ADPRHL1: variants seen among roughly 807,000 people sequenced by gnomAD.
The protein encoded by ADPRHL1 is inactive ADP-ribosyltransferase ARH2.
In ADPRHL1, 43 loss-of-function variants were observed where a neutral mutation model predicts 44.1. The observed-to-expected ratio is 0.98, with a 90% CI of 0.76 to 1.26. The LOEUF (loss-of-function observed/expected upper bound fraction) is 1.26. Among genes scored for constraint, ADPRHL1 ranks in the 50% most tolerant of loss-of-function variants. ADPRHL1 has a pLI of 0.00. For missense variants in ADPRHL1, 2,022 were observed against 2,496.9 expected, an observed-to-expected ratio of 0.81 and a Z score of 4.05; for synonymous variants, 878 against 1,017.4, an observed-to-expected ratio of 0.86 and a Z score of 2.61.
At chr13:113,449,936 G>A (rs950939097) in intron 1 of ADPRHL1, among the ~76,000 whole-genome samples, 2 of 152,180 alleles carry the variant, frequency 1.3e-5, no homozygotes, top group African/African-American at 4.8e-5. Flanking sequence ...CTGGGCAAGC[G>A]CCTGAACCTC....
chr13:113,448,465 C>CAAAAAAAA lies in ADPRHL1; in HGVS notation c.215-3884_215-3877dup, dbSNP rs61278696. ...CGGGCAAAAGAGTGAGACTATGTCC[C>CAAAAAAAA]AAAAAAAAAAAAAAAAAAAAAAAAA... On this transcript the variant is annotated intron_variant, in intron 1 of 7. Coordinates refer to ENST00000612156, the MANE Select transcript of ADPRHL1 (RefSeq NM_001394807.1). Among the ~76,000 whole-genome samples the CAAAAAAAA allele has an allele frequency of 5.8e-3, 229 of 39,790 alleles. 13 individuals are homozygous for CAAAAAAAA. The highest frequency in any genetic ancestry group is 0.018 in the African/African-American group (171 of 9,320). 26.1% of individuals were successfully genotyped at this position (39,790 alleles called of 152,430 possible). A position where few individuals can be genotyped will look rare whatever the true frequency, so the allele number is the denominator to read the frequency against.
rs375736784 is a variant in ADPRHL1 at position 113,422,917 on chromosome 13, G to C, written c.970C>G (p.Leu324Val). Residue 324 changes from leucine to valine, a missense_variant, in exon 7 of 8, where the codon CTC (leucine) becomes GTC (valine). Around this residue, in one of 8 missense-constraint regions of ADPRHL1, gnomAD observed 1,221 missense variants for 1,517.8 expected, o/e 0.80. Coordinates refer to ENST00000612156, the MANE Select transcript of ADPRHL1 (RefSeq NM_001394807.1). ...CLFGLLYGLDLVPKGLYQDLE... is the reference protein window; with the variant it reads ...CLFGLLYGLDVVPKGLYQDLE... ...TCCTGGTACAAGCCTTTGGGAACGAGGTCCAGGCCGTACAGCAACCCGAAC... is the reference window on the plus strand; with the variant it reads ...TCCTGGTACAAGCCTTTGGGAACGACGTCCAGGCCGTACAGCAACCCGAAC... 1 of 1,612,970 alleles carries C rather than the reference G, an allele frequency of 6.2e-7. No individual in the cohort carries two copies. Among genetic ancestry groups the C allele is most frequent in the Non-Finnish European group, 8.5e-7 (1 of 1,180,000 alleles).
Position 113,404,924 on chromosome 13 carries a change from C to G in ADPRHL1, c.4358G>C (p.Arg1453Pro). Residue 1453 changes from arginine to proline, a missense_variant, in exon 8 of 8, where the codon CGG becomes CCG. Physicochemically the swap from Arg to Pro is moderately radical, Grantham distance 103. This residue lies in a region of ADPRHL1 where 1,221 missense variants were observed against 1,517.8 expected (regional missense o/e 0.80). Transcript: ENST00000612156. ...CTCTCCCCACGCCGTGCTCCGCCCC[C>G]GCTCCTCCCAGGGTCCCTGCAGATG... ...QQHLQGPWEE[R>P]GRSTAWGEGT... The G allele has an allele frequency of 8.0e-7, 1 of 1,244,430 alleles. No individual in the cohort carries two copies. Among genetic ancestry groups the G allele is most frequent in the Non-Finnish European group, 1.0e-6 (1 of 996,386 alleles). 77.1% of individuals were successfully genotyped at this position (1,244,430 alleles called of 1,614,324 possible). A position where few individuals can be genotyped will look rare whatever the true frequency, so the allele number is the denominator to read the frequency against.
chr13:113,400,387 GT>G lies in ADPRHL1; in HGVS notation c.*2990del, dbSNP rs1185781434. 1 of 150,790 alleles carries G rather than the reference GT, an allele frequency of 6.6e-6. No individual in the cohort carries two copies. The highest frequency in any genetic ancestry group is 2.4e-5 in the African/African-American group (1 of 41,004). The allele number at this position is 150,790 out of a possible 1,614,324, so 9.3% of individuals were successfully genotyped here. On this transcript the variant is annotated 3_prime_UTR_variant, in exon 8 of 8. Coordinates refer to ENST00000612156, the MANE Select transcript of ADPRHL1 (RefSeq NM_001394807.1). The stretch of plus-strand genomic sequence containing the variant: ...TCTTGATCTCCTGACCTCGTGATCT[GT>G]CTGCCTCGGCCTCCCAAAGTGCTGG...
intron 2 of ADPRHL1, among the ~76,000 whole-genome samples, chr13:113,434,954 C>T (rs36128281): frequency 0.038 from 611 of 16,102 alleles, 1 homozygote; most frequent in African/African-American, 0.056. Context: ...AGAGTGAACA[C>T]AGGTGTACCC....
At chr13:113,415,750 C>CA (rs71214119) in intron 7 of ADPRHL1, among the ~76,000 whole-genome samples, 2,293 of 62,896 alleles carry the variant, frequency 0.036, 122 homozygotes, top group East Asian at 0.18. Context: ...GACTCCATCT[C>CA]AAAAAAAAAA....
rs780481262 is a variant in ADPRHL1, at chr13:113,425,081, C to T, written c.745G>A (p.Asp249Asn). The change falls in exon 5 of 8, where the codon GAC (aspartate) becomes AAC (asparagine). Residue 249 changes from aspartate (D) to asparagine (N), a missense_variant. Physicochemically the swap from Asp to Asn is conservative, Grantham distance 23 (BLOSUM62 1). Transcript: ENST00000612156. ...TCCCTCTCTTCTGCATCATAATTGT[C>T]GGGGAAGATGGCTTTATTTTCTGAG... Reference protein sequence around the residue: ...KDSENKAIFPDNYDAEEREKT... With the variant: ...KDSENKAIFPNNYDAEEREKT... 11 of 1,613,566 alleles carry T rather than the reference C, an allele frequency of 6.8e-6. No homozygotes were observed. The highest frequency in any genetic ancestry group is 2.2e-5 in the East Asian group (1 of 44,842).
intron 1 of ADPRHL1, among the ~76,000 whole-genome samples, chr13:113,446,658 T>C (rs149850652): frequency 6.6e-6 from 1 of 152,194 alleles, no homozygotes; most frequent in Non-Finnish European, 1.5e-5. Flanking sequence ...CAGTGTTGTA[T>C]GTGCATGGTG....
At chr13:113,442,598 T>C (rs2044106902) in intron 2 of ADPRHL1, among the ~76,000 whole-genome samples, 1 of 152,246 alleles carries the variant, frequency 6.6e-6, no homozygotes, top group African/African-American at 2.4e-5. Flanking sequence ...GTGTGTGATG[T>C]GTGTCTTTCT....
chr13:113,450,620 T>A (rs2044171799), intron 1 of ADPRHL1, among the ~76,000 whole-genome samples: 1 of 152,144 alleles, frequency 6.6e-6, no homozygotes, highest in African/African-American at 2.4e-5. Context: ...GGGTCACGTG[T>A]CCACTGGACA....
chr13:113,405,197 G>A lies in ADPRHL1; in HGVS notation c.4085C>T (p.Thr1362Met), dbSNP rs546356323. 606 of 1,231,916 alleles carry A rather than the reference G, an allele frequency of 4.9e-4. 1 individual carries two copies. The Middle Eastern group carries it at 5.9e-3, about 12-fold the overall frequency. 76.3% of individuals were successfully genotyped at this position (1,231,916 alleles called of 1,614,324 possible). ...KLRASVPEPR[T>M]QAGESQERPL... ...ACGCTCCTGGGATTCACCTGCCTGCGTCCTAGGCTCGGGGACACTGGCCCG... is the reference window on the plus strand; with the variant it reads ...ACGCTCCTGGGATTCACCTGCCTGCATCCTAGGCTCGGGGACACTGGCCCG... The change falls in exon 8 of 8, where the codon ACG becomes ATG. Residue 1362 changes from threonine to methionine, a missense_variant. Thr to Met is a moderately conservative substitution (Grantham distance 81). Around this residue, in one of 8 missense-constraint regions of ADPRHL1, gnomAD observed 1,221 missense variants for 1,517.8 expected, o/e 0.80. Coordinates refer to ENST00000612156, the MANE Select transcript of ADPRHL1 (RefSeq NM_001394807.1).
chr13:113,437,471 C>T (rs780737826), intron 2 of ADPRHL1, among the ~76,000 whole-genome samples: 3 of 152,170 alleles, frequency 2.0e-5, no homozygotes, highest in Non-Finnish European at 4.4e-5. Flanking sequence ...CTCTGCAATC[C>T]GTCCTCCTGC....
At chr13:113,423,086 G>A in intron 6 of ADPRHL1, 107 bp from the exon 7 acceptor site, 3 of 1,496,184 alleles carry the variant, frequency 2.0e-6, no homozygotes, top group East Asian at 2.3e-5. Flanking sequence ...ATTCTGCTGG[G>A]GGCAGCTGAT....
chr13:113,417,418 C>G (rs1363549768), intron 7 of ADPRHL1, among the ~76,000 whole-genome samples: 1 of 152,248 alleles, frequency 6.6e-6, no homozygotes, highest in East Asian at 1.9e-4. Context: ...TGGGGACCGC[C>G]CCTGTGGCCA....
chr13:113,415,444 A>C (rs1294098573), intron 7 of ADPRHL1, among the ~76,000 whole-genome samples: 1 of 152,186 alleles, frequency 6.6e-6, no homozygotes. Context: ...GGCAGGGTCC[A>C]CCGAATTAGT....
At chr13:113,424,102 G>A in intron 6 of ADPRHL1, 115 bp downstream of exon 6, 1 of 1,395,372 alleles carries the variant, frequency 7.2e-7, no homozygotes, top group Non-Finnish European at 9.7e-7. Flanking sequence ...GGACGCACAT[G>A]CTGGAGCTCA....
At chr13:113,417,298 C>T (rs1045412395) in intron 7 of ADPRHL1, among the ~76,000 whole-genome samples, 7 of 152,328 alleles carry the variant, frequency 4.6e-5, no homozygotes, top group Non-Finnish European at 8.8e-5. Context: ...CTGTCTTGCC[C>T]GAGGGAGAGC....
In ADPRHL1 at chr13:113,437,926, G is replaced by C. The variant is rs554530330; in HGVS notation, c.380-4059C>G. 9.8e-5 allele frequency among the ~76,000 whole-genome samples: 15 copies of C among 152,328 alleles called. No individual in the cohort carries two copies. The East Asian group carries it at 2.7e-3, about 27-fold the overall frequency. ...AGCTCAGTGCACCTCCGCCTGCCAG[G>C]TTCAAGCAGTTCTCCTGCCTCAGCC... On this transcript the variant is annotated intron_variant, in intron 2 of 7. Transcript: ENST00000612156.
Position 113,449,696 on chromosome 13 carries a change from C to T in ADPRHL1, c.214+3528G>A, listed in dbSNP as rs1018801350. Among the ~76,000 whole-genome samples the T allele has an allele frequency of 5.3e-5, 8 of 152,334 alleles. No individual in the cohort carries two copies. The Middle Eastern group carries it at 0.01, about 194-fold the overall frequency. Reference sequence around the variant, plus strand: ...TGCCAGACCACACAGCCCCGTGGCTCGTGGGGTGAAGGACTTTTCAGTGCA... The same window carrying T: ...TGCCAGACCACACAGCCCCGTGGCTTGTGGGGTGAAGGACTTTTCAGTGCA... On this transcript the variant is annotated intron_variant, in intron 1 of 7. Transcript: ENST00000612156.
Sources: gnomAD v4.1 joint callset for allele counts (sites outside exome capture counted in the v4.1 genomes callset) on GRCh38, gnomAD v4.1.1 for gene constraint, gnomAD v4.1.1 regional missense constraint, MANE v1.5 for transcripts, NCBI Gene and HGNC (gene_info 2026-07-23, HGNC 2026-07-21) for gene names.